The following CCBE1 variants were observed in gnomAD, a reference collection of about 807,000 sequenced individuals.
CCBE1 encodes collagen and calcium binding EGF domains 1.
Under a neutral mutation model 50.0 loss-of-function variants are expected in CCBE1, and 37 were observed. The ratio of observed to expected loss-of-function variants is 0.74; its 90% CI spans 0.57 to 0.97. CCBE1 has a LOEUF of 0.97. Ranked by LOEUF, CCBE1 falls within the 50% of genes least tolerant of loss-of-function variation. The probability of loss-of-function intolerance (pLI) is 0.00; values close to 1 mark genes in which losing one functional copy is unlikely to be tolerated. For synonymous variants in CCBE1, 234 were observed against 203.7 expected (o/e 1.15, Z -1.27); for missense variants, 538 against 523.8 (o/e 1.03, Z -0.26).
At chr18:59,667,931 T>TA (rs2054377763) in intron 2 of CCBE1, among the ~76,000 whole-genome samples, 1 of 151,952 alleles carries the variant, frequency 6.6e-6, no homozygotes, top group Non-Finnish European at 1.5e-5. Flanking sequence ...ATTTAGGTGT[T>TA]ACGATGGACA....
intron 2 of CCBE1, among the ~76,000 whole-genome samples, chr18:59,500,650 G>T (rs685791): frequency 0.67 from 101,910 of 152,022 alleles, 35,303 homozygotes; most frequent in East Asian, 0.94. Flanking sequence ...GGAGGGGCCT[G>T]TCCCTGGAGG....
chr18:59,471,096 T>G (rs1029168464), intron 3 of CCBE1, among the ~76,000 whole-genome samples: 4 of 152,326 alleles, frequency 2.6e-5, no homozygotes, highest in African/African-American at 9.6e-5. Context: ...TGACTGGCTC[T>G]GAGCTTCCCT....
chr18:59,635,399 C>CTGAAATAAGGGAAAAA (rs1197315443), intron 2 of CCBE1, among the ~76,000 whole-genome samples: 5 of 147,126 alleles, frequency 3.4e-5, no homozygotes, highest in Non-Finnish European at 7.4e-5. Flanking sequence ...AAAGGGAAAA[C>CTGAAATAAGGGAAAAA]TGAAATAAGG....
intron 2 of CCBE1, among the ~76,000 whole-genome samples, chr18:59,612,330 G>GAAAAAAAAAAAAA (rs5825351): frequency 1.5e-5 from 2 of 130,680 alleles, no homozygotes; most frequent in Admixed American, 7.7e-5. Context: ...AGAAAAAAAA[G>GAAAAAAAAAAAAA]AAAAAAAAAA....
chr18:59,623,126 G>A (rs895042876), intron 2 of CCBE1, among the ~76,000 whole-genome samples: 1 of 152,148 alleles, frequency 6.6e-6, no homozygotes, highest in Non-Finnish European at 1.5e-5. Context: ...TATCCATGTG[G>A]AGTCGAGAGT....
chr18:59,478,452 A>T (rs1912414961), intron 3 of CCBE1, among the ~76,000 whole-genome samples: 1 of 152,240 alleles, frequency 6.6e-6, no homozygotes, highest in African/African-American at 2.4e-5. Context: ...GATTAAAACA[A>T]ACATGCTATG....
chr18:59,541,025 C>T (rs925802381), intron 2 of CCBE1, among the ~76,000 whole-genome samples: 43 of 152,292 alleles, frequency 2.8e-4, no homozygotes, highest in African/African-American at 9.9e-4. Flanking sequence ...TTCCTTCTCA[C>T]GTGGGAACAT....
chr18:59,490,936 A>C (rs1194264232), intron 2 of CCBE1, among the ~76,000 whole-genome samples: 2 of 152,202 alleles, frequency 1.3e-5, no homozygotes, highest in Non-Finnish European at 2.9e-5. Context: ...TTTTGGAAGC[A>C]CTGATGGCTG....
At chr18:59,514,078 C>T (rs928002371) in intron 2 of CCBE1, among the ~76,000 whole-genome samples, 4 of 152,236 alleles carry the variant, frequency 2.6e-5, no homozygotes, top group Admixed American at 6.5e-5. Flanking sequence ...CTCATATACA[C>T]CACACCATAT....
intron 2 of CCBE1, among the ~76,000 whole-genome samples, chr18:59,648,715 A>G (rs1262331808): frequency 4.6e-5 from 7 of 152,302 alleles, no homozygotes; most frequent in Non-Finnish European, 8.8e-5. Flanking sequence ...AGAACGAAAA[A>G]GACACAGGTA....
Position 59,507,446 on chromosome 18 carries a change from C to T in CCBE1, c.213-27208G>A, listed in dbSNP as rs564876860. 3.3e-5 allele frequency among the ~76,000 whole-genome samples: 5 copies of T among 152,366 alleles called. No individual in the cohort carries two copies. In the East Asian group the frequency reaches 9.6e-4, roughly 29 times the overall value. ...ATAGCCAAGGCAATATGACCTTCCTCATGCCATGCCCAGGGTGACATTGTT... is the reference window on the plus strand; with the variant it reads ...ATAGCCAAGGCAATATGACCTTCCTTATGCCATGCCCAGGGTGACATTGTT... On this transcript the variant is annotated intron_variant, in intron 2 of 10. Transcript: ENST00000439986.
chr18:59,683,580 C>T (rs533322016), intron 2 of CCBE1, among the ~76,000 whole-genome samples: 2 of 152,226 alleles, frequency 1.3e-5, no homozygotes, highest in Admixed American at 6.5e-5. Context: ...CGCCTGTAAT[C>T]CCAGCTACTC....
intron 2 of CCBE1, among the ~76,000 whole-genome samples, chr18:59,485,457 G>A (rs1912770039): frequency 2.0e-5 from 3 of 152,108 alleles, no homozygotes; most frequent in African/African-American, 7.2e-5. Context: ...AAGACTAAAA[G>A]TGACCATGAA....
intron 2 of CCBE1, among the ~76,000 whole-genome samples, chr18:59,681,579 A>T (rs1045995180): frequency 6.6e-6 from 1 of 152,232 alleles, no homozygotes. Context: ...GGCACAGCAC[A>T]TGTTCAAAGC....
At chr18:59,483,435 T>A (rs1912668935) in intron 2 of CCBE1, among the ~76,000 whole-genome samples, 1 of 152,198 alleles carries the variant, frequency 6.6e-6, no homozygotes. Flanking sequence ...TCTGAAATGT[T>A]TCAATGAGCA....
At chr18:59,590,465 A>G (rs1035812897) in intron 2 of CCBE1, among the ~76,000 whole-genome samples, 1 of 152,216 alleles carries the variant, frequency 6.6e-6, no homozygotes, top group Non-Finnish European at 1.5e-5. Context: ...TTTCAATAAA[A>G]TTACAAACTC....
chr18:59,530,741 G>A (rs988293125), intron 2 of CCBE1, among the ~76,000 whole-genome samples: 1 of 152,126 alleles, frequency 6.6e-6, no homozygotes, highest in Non-Finnish European at 1.5e-5. Context: ...CATAATAAAG[G>A]AACAAACAAC....
chr18:59,642,948 C>CAAAAAAAAAA (rs10683687), intron 2 of CCBE1, among the ~76,000 whole-genome samples: 5 of 94,170 alleles, frequency 5.3e-5, no homozygotes, highest in African/African-American at 2.1e-4. Flanking sequence ...GACTCCACCT[C>CAAAAAAAAAA]AAAAAAAAAA....
At chr18:59,502,583 G>C (rs1913674624) in intron 2 of CCBE1, among the ~76,000 whole-genome samples, 1 of 152,142 alleles carries the variant, frequency 6.6e-6, no homozygotes, top group South Asian at 2.1e-4. Context: ...AGGTGAGCCA[G>C]AGGGCAGCAT....
Sources: gnomAD v4.1 joint callset for allele counts (sites outside exome capture counted in the v4.1 genomes callset) on GRCh38, gnomAD v4.1.1 for gene constraint, MANE v1.5 for transcripts, NCBI Gene and HGNC (gene_info 2026-07-23, HGNC 2026-07-21) for gene names.